PANK4: variants seen among roughly 807,000 people sequenced by gnomAD.
The protein encoded by PANK4 is 4'-phosphopantetheine phosphatase.
PANK4 carries 40 observed loss-of-function variants against 87.9 expected under a neutral mutation model. The ratio of observed to expected loss-of-function variants is 0.46; its 90% CI spans 0.35 to 0.59. PANK4 has a LOEUF of 0.59. PANK4 is among the 20% of genes least tolerant of loss of function. The pLI is 0.00. For synonymous variants in PANK4, 524 were observed against 467.4 expected, an observed-to-expected ratio of 1.12 and a Z score of -1.56; for missense variants, 926 against 1,072.3, an observed-to-expected ratio of 0.86 and a Z score of 1.90.
In PANK4 at chr1:2,521,187, G is replaced by A. The variant is rs1282805510; in HGVS notation, c.336C>T (p.Leu112=). Residue 112 remains leucine, a synonymous_variant, in exon 3 of 19, where the codon CTC becomes CTT. Coordinates refer to ENST00000378466, the MANE Select transcript of PANK4 (RefSeq NM_018216.4). ...EACLDFIKDH[L]VNTETKVIQA... ...GGATGACCTTGGTCTCTGTGTTGAC[G>A]AGATGGTCTTTGATGAAGTCCAGGC... The A allele has an allele frequency of 6.2e-6, 10 of 1,613,828 alleles. No individual in the cohort carries two copies. The highest frequency in any genetic ancestry group is 2.7e-5 in the African/African-American group (2 of 74,930).
At chr1:2,512,774 C>G in intron 13 of PANK4, 114 bp downstream of exon 13, 1 of 1,058,078 alleles carries the variant, frequency 9.5e-7, no homozygotes, top group South Asian at 1.4e-5. Flanking sequence ...AGCCACCAAG[C>G]CACCAAGCGC....
At chr1:2,513,749 C>T (rs918957640) in intron 12 of PANK4, among the ~76,000 whole-genome samples, 1 of 152,234 alleles carries the variant, frequency 6.6e-6, no homozygotes, top group Non-Finnish European at 1.5e-5. Flanking sequence ...GGTTCACACC[C>T]TTCTTCTCTA....
intron 10 of PANK4, among the ~76,000 whole-genome samples, chr1:2,514,726 G>A (rs1375164329): frequency 1.3e-5 from 2 of 151,214 alleles, no homozygotes; most frequent in East Asian, 3.9e-4. Flanking sequence ...CAGGGTGGGG[G>A]CTGCCTGGGC....
Position 2,510,118 on chromosome 1 carries a change from C to G in PANK4, c.1978G>C (p.Val660Leu). 2 of 1,610,500 alleles carry G rather than the reference C, an allele frequency of 1.2e-6. No individual in the cohort carries two copies. Among genetic ancestry groups the G allele is most frequent in the Non-Finnish European group, 1.7e-6 (2 of 1,178,958 alleles). ...ACGATGAGGGACTCGCTGTGGGTCA[C>G]GTCGTTCAGGGCGGGGCCTGAGTTG... is the stretch of plus-strand genomic sequence containing the variant. ...ACNSGPALND[V>L]THSESLIVAE... Residue 660 changes from valine (V) to leucine (L), a missense_variant, in exon 17 of 19, where the codon GTG (valine) becomes CTG (leucine). Val to Leu is a conservative substitution (Grantham distance 32). Coordinates refer to ENST00000378466, the MANE Select transcript of PANK4 (RefSeq NM_018216.4). The surrounding 1 kb of genome is among the most constrained non-coding windows in gnomAD (Gnocchi z 4.9).
In PANK4 at chr1:2,511,630, T is replaced by C; in HGVS notation, c.1781A>G (p.Gln594Arg). ...CCAAGTTACTTGGCCATCCGTACCT[T>C]GTAACTTCCTCTTTGCTTCTTCAAA... is the stretch of plus-strand genomic sequence containing the variant. Reference protein sequence around the residue: ...FGFEEAKRKLQERPWLVDSYS... With the variant: ...FGFEEAKRKLRERPWLVDSYS... Residue 594 changes from glutamine to arginine, a missense_variant and splice_region_variant, in exon 14 of 19, where the codon CAA becomes CGA. Coordinates refer to ENST00000378466, the MANE Select transcript of PANK4 (RefSeq NM_018216.4). The C allele has an allele frequency of 2.5e-6, 4 of 1,604,990 alleles. No individual in the cohort carries two copies. Among genetic ancestry groups the C allele is most frequent in the East Asian group, 2.2e-5 (1 of 44,850 alleles).
At position 2,509,070 on chromosome 1, in the gene PANK4, G is replaced by T. The variant is rs1348578198; in HGVS notation, c.2109-10C>A. The T allele has an allele frequency of 2.5e-6, 4 of 1,585,488 alleles. No homozygotes were observed. Among genetic ancestry groups the T allele is most frequent in the Non-Finnish European group, 3.4e-6 (4 of 1,173,582 alleles). ...CCCCTTATCCAGGCGGCTTTGGGGA[G>T]GAAGAGGACGGTGAGACTGGGCAAG... On this transcript the variant is annotated splice_polypyrimidine_tract_variant and intron_variant, in intron 18 of 18. Coordinates refer to ENST00000378466, the MANE Select transcript of PANK4 (RefSeq NM_018216.4). The surrounding 1 kb of genome is among the most constrained non-coding windows in gnomAD (Gnocchi z 4.9).
Position 2,520,437 on chromosome 1 carries a change from G to A in PANK4, c.607-23C>T, listed in dbSNP as rs761792981. 1.1e-5 allele frequency: 18 copies of A among 1,594,460 alleles called. No homozygotes were observed. Among genetic ancestry groups the A allele is most frequent in the Non-Finnish European group, 1.5e-5 (18 of 1,164,166 alleles). On this transcript the variant is annotated intron_variant, in intron 4 of 18. Transcript: ENST00000378466. The surrounding 1 kb of genome is among the most constrained non-coding windows in gnomAD (Gnocchi z 6.2). ...CACCTGCAACAGAGCCAGGGCAGGT[G>A]TGCCCTCAGTGGGCCCTCAGCCACA...
At position 2,515,706 on chromosome 1, in the gene PANK4, C is replaced by T. The variant is rs760500522; in HGVS notation, c.1230G>A (p.Leu410=). The change falls in exon 10 of 19, where the codon CTG becomes CTA. Residue 410 remains leucine, a synonymous_variant. Coordinates refer to ENST00000378466, the MANE Select transcript of PANK4 (RefSeq NM_018216.4). The surrounding 1 kb of genome is among the most constrained non-coding windows in gnomAD (Gnocchi z 5.0). ...QRARSGTFDL[L]EMDRLERPLV... ...GTGGCCTCTCCAGCCGGTCCATTTC[C>T]AGCAAGTCAAACTGGAAGACAGGCA... 6.2e-6 allele frequency: 10 copies of T among 1,612,816 alleles called. No homozygotes were observed. The Admixed American group carries it at 8.3e-5, about 13-fold the overall frequency.
Position 2,526,484 on chromosome 1 carries a change from T to G in PANK4, c.104A>C (p.Lys35Thr). The change falls in exon 1 of 19, where the codon AAG becomes ACG. Residue 35 changes from lysine to threonine, a missense_variant. Coordinates refer to ENST00000378466, the MANE Select transcript of PANK4 (RefSeq NM_018216.4). ...GCTACCTATGTCGATGGCGAAGCGC[T>G]TGGCGTTCTCCAGGTTGCGGAAGAT... Reference protein sequence around the residue: ...DEIFRNLENAKRFAIDIGGSL... With the variant: ...DEIFRNLENATRFAIDIGGSL... 1 of 1,572,736 alleles carries G rather than the reference T, an allele frequency of 6.4e-7. No individual in the cohort carries two copies. The highest frequency in any genetic ancestry group is 1.4e-5 in the African/African-American group (1 of 71,242).
Position 2,520,854 on chromosome 1 carries a change from G to A in PANK4, c.475C>T (p.Leu159Phe), listed in dbSNP as rs1347419308. ...TCLIKGCNFV[L>F]KNIPHEAFVY... The stretch of plus-strand genomic sequence containing the variant: ...AAGGCCTCATGGGGGATGTTCTTGA[G>A]CACGAAGTTGCACCCCTTAATCAGG... The change falls in exon 4 of 19, where the codon CTC becomes TTC. Residue 159 changes from leucine to phenylalanine, a missense_variant. Coordinates refer to ENST00000378466, the MANE Select transcript of PANK4 (RefSeq NM_018216.4). This position sits in a 1 kb window ranked among gnomAD's most constrained non-coding sequence, Gnocchi z 6.2. 6.3e-7 allele frequency: 1 copy of A among 1,580,796 alleles called. No homozygotes were observed. The highest frequency in any genetic ancestry group is 8.6e-7 in the Non-Finnish European group (1 of 1,164,464).
rs769237655 is a variant in PANK4 at position 2,514,069 on chromosome 1, A to T, written c.1508T>A (p.Val503Glu). 6.2e-7 allele frequency: 1 copy of T among 1,612,682 alleles called. No homozygotes were observed. Among genetic ancestry groups the T allele is most frequent in the Non-Finnish European group, 8.5e-7 (1 of 1,179,798 alleles). ...QQPFAYGTLT[V>E]RSLLDTREHC... ...CTCCCTGGTGTCCAGCAGGCTGCGC[A>T]CGGTCAGGGTCCCATAGGCGCTGGG... is the stretch of plus-strand genomic sequence containing the variant. Residue 503 changes from valine to glutamate, a missense_variant, in exon 12 of 19, where the codon GTG becomes GAG. Physicochemically the swap from Val to Glu is moderately radical, Grantham distance 121. Transcript: ENST00000378466.
chr1:2,509,978 G>A lies in PANK4; in HGVS notation c.2040-48C>T. ...TGCCCCCAGGAGCTCCCAGTTCAGT[G>A]ACAATCCCCATGGCCCACTCTGCCC... On this transcript the variant is annotated intron_variant, in intron 17 of 18. Transcript: ENST00000378466. The surrounding 1 kb of genome is among the most constrained non-coding windows in gnomAD (Gnocchi z 4.9). The A allele has an allele frequency of 2.5e-6, 4 of 1,589,760 alleles. No individual in the cohort carries two copies. The highest frequency in any genetic ancestry group is 3.4e-6 in the Non-Finnish European group (4 of 1,164,792).
At chr1:2,514,509 G>T in intron 10 of PANK4, 43 bp from the exon 11 acceptor site, 1 of 1,470,472 alleles carries the variant, frequency 6.8e-7, no homozygotes, top group Non-Finnish European at 9.3e-7. Flanking sequence ...CGCTGGCCCT[G>T]CTGCTTGCGA....
chr1:2,521,004 C>T (rs1643870405), intron 3 of PANK4, 97 bp downstream of exon 3: 1 of 1,527,306 alleles, frequency 6.5e-7, no homozygotes, highest in Admixed American at 1.7e-5. Context: ...GCCCCATGCG[C>T]AATCTGACAC....
Position 2,518,515 on chromosome 1 carries a change from C to T in PANK4, c.1117+1G>A, listed in dbSNP as rs1393216930. 6.4e-7 allele frequency: 1 copy of T among 1,561,498 alleles called. No individual in the cohort carries two copies. The highest frequency in any genetic ancestry group is 8.7e-7 in the Non-Finnish European group (1 of 1,152,498). ...TCAGGGGCGCCAGCACCGCGACTCA[C>T]TGTCCTGCTCAGCTCCTTTCAGGAA... On this transcript the variant is annotated splice_donor_variant, in intron 8 of 18. Coordinates refer to ENST00000378466, the MANE Select transcript of PANK4 (RefSeq NM_018216.4). LOFTEE classifies it high-confidence loss of function.
intron 10 of PANK4, among the ~76,000 whole-genome samples, 168 bp from the exon 11 acceptor site, chr1:2,514,634 CGGGGGCTGTTTGGGGCAGGGT>C: frequency 1.6e-5 from 1 of 61,638 alleles, no homozygotes; most frequent in East Asian, 5.0e-4. Flanking sequence ...AGCCGGCTGT[CGGGGGCTGTTTGGGGCAGGGT>C]GGGGGCTAGC....
At chr1:2,514,528 G>T in intron 10 of PANK4, 62 bp from the exon 11 acceptor site, 1 of 1,173,398 alleles carries the variant, frequency 8.5e-7, no homozygotes, top group Non-Finnish European at 1.2e-6. Flanking sequence ...GAATCCCCAC[G>T]TGACAGCAGG....
chr1:2,510,665 C>A lies in PANK4; in HGVS notation c.1938+13G>T. The A allele has an allele frequency of 6.7e-7, 1 of 1,501,936 alleles. No individual in the cohort carries two copies. Among genetic ancestry groups the A allele is most frequent in the Non-Finnish European group, 9.3e-7 (1 of 1,078,970 alleles). 93.0% of individuals were successfully genotyped at this position (1,501,936 alleles called of 1,614,324 possible). On this transcript the variant is annotated intron_variant, in intron 16 of 18. Transcript: ENST00000378466. This position sits in a 1 kb window ranked among gnomAD's most constrained non-coding sequence, Gnocchi z 4.9. The stretch of plus-strand genomic sequence containing the variant: ...CCCAGGGGAAGGGCCCCACCCACCA[C>A]CTCAACACTCACCTCTGTCCCTCTA...
In PANK4 at chr1:2,509,082, T is replaced by A; in HGVS notation, c.2109-22A>T. On this transcript the variant is annotated intron_variant, in intron 18 of 18. Transcript: ENST00000378466. This position sits in a 1 kb window ranked among gnomAD's most constrained non-coding sequence, Gnocchi z 4.9. ...GCGGCTTTGGGGAGGAAGAGGACGGTGAGACTGGGCAAGCAGACCCCAGAC... is the reference window on the plus strand; with the variant it reads ...GCGGCTTTGGGGAGGAAGAGGACGGAGAGACTGGGCAAGCAGACCCCAGAC... 6.4e-7 allele frequency: 1 copy of A among 1,572,208 alleles called. No homozygotes were observed. Among genetic ancestry groups the A allele is most frequent in the Non-Finnish European group, 8.6e-7 (1 of 1,165,068 alleles).
Sources: gnomAD v4.1 joint callset for allele counts (sites outside exome capture counted in the v4.1 genomes callset) on GRCh38, gnomAD v4.1.1 for gene constraint, Gnocchi (gnomAD v3.1) non-coding constraint, MANE v1.5 for transcripts, NCBI Gene and HGNC (gene_info 2026-07-23, HGNC 2026-07-21) for gene names.